The following INTU variants were observed in gnomAD, a reference collection of about 807,000 sequenced individuals.
INTU encodes the protein inturned planar cell polarity protein, also known as protein inturned.
A neutral mutation model predicts 100.5 loss-of-function variants in INTU; 68 were observed. That is an observed-to-expected ratio of 0.68 (90% CI 0.56 to 0.83). INTU has a LOEUF of 0.83. INTU is among the 40% of genes least tolerant of loss of function. The pLI is 0.00. For synonymous variants in INTU, 357 were observed against 395.7 expected (o/e 0.90, Z 1.16); for missense variants, 1,071 against 1,114.7 (o/e 0.96, Z 0.56).
chr4:127,710,983 A>C lies in INTU; in HGVS notation c.2440A>C (p.Thr814Pro), dbSNP rs1731072462. ...ALETVQGIFI[T>P]PTLEEVAQLS... ...AGAAACAGTGCAAGGAATCTTTATTACTCCTACCCTTGAAGAGGTGGCACA... is the reference window on the plus strand; with the variant it reads ...AGAAACAGTGCAAGGAATCTTTATTCCTCCTACCCTTGAAGAGGTGGCACA... Residue 814 changes from threonine to proline, a missense_variant, in exon 14 of 16, where the codon ACT becomes CCT. By Grantham distance (38) the Thr-to-Pro change is conservative (BLOSUM62 -1). Transcript: ENST00000335251. 1.3e-6 allele frequency: 2 copies of C among 1,599,222 alleles called. No homozygotes were observed. The highest frequency in any genetic ancestry group is 2.7e-5 in the African/African-American group (2 of 74,728).
intron 14 of INTU, among the ~76,000 whole-genome samples, chr4:127,712,651 G>C (rs959432827): frequency 3.3e-5 from 5 of 152,176 alleles, no homozygotes; most frequent in Admixed American, 6.5e-5. Context: ...GTAAGGATTA[G>C]AGGTGGGAGT....
chr4:127,637,021 C>A (rs925884181), intron 1 of INTU, among the ~76,000 whole-genome samples: 2 of 152,216 alleles, frequency 1.3e-5, no homozygotes, highest in East Asian at 3.9e-4. Context: ...CATTTCTCCT[C>A]TAAGGCTACC....
At position 127,656,622 on chromosome 4, in the gene INTU, T is replaced by C; in HGVS notation, c.683-14T>C. The C allele has an allele frequency of 6.3e-7, 1 of 1,584,100 alleles. No homozygotes were observed. Among genetic ancestry groups the C allele is most frequent in the South Asian group, 1.1e-5 (1 of 90,076 alleles). ...TATTCATAAAACTATCTTTTATTGT[T>C]ATTCTGGTTTCAGGTGATGTCCTTG... On this transcript the variant is annotated splice_polypyrimidine_tract_variant and intron_variant, in intron 2 of 15. Transcript: ENST00000335251.
chr4:127,713,144 C>T (rs188719102), intron 14 of INTU, among the ~76,000 whole-genome samples: 3 of 152,252 alleles, frequency 2.0e-5, no homozygotes, highest in Admixed American at 6.5e-5. Flanking sequence ...GGACATGATC[C>T]GTAATTTTTT....
At chr4:127,655,209 T>G (rs896565068) in intron 2 of INTU, among the ~76,000 whole-genome samples, 2 of 151,992 alleles carry the variant, frequency 1.3e-5, no homozygotes, top group African/African-American at 2.4e-5. Flanking sequence ...GTCTGAAGCC[T>G]TCTTCTCTCA....
In INTU at chr4:127,643,754, G is replaced by T. The variant is rs139145791; in HGVS notation, c.380G>T (p.Arg127Leu). 6.2e-7 allele frequency: 1 copy of T among 1,612,918 alleles called. No individual in the cohort carries two copies. Among genetic ancestry groups the T allele is most frequent in the Non-Finnish European group, 8.5e-7 (1 of 1,179,776 alleles). Residue 127 changes from arginine to leucine, a missense_variant, in exon 2 of 16, where the codon CGC becomes CTC. Coordinates refer to ENST00000335251, the MANE Select transcript of INTU (RefSeq NM_015693.4). ...ILRRKRLLPKRCNKKNSNDNG... is the reference protein window; with the variant it reads ...ILRRKRLLPKLCNKKNSNDNG... Reference sequence around the variant, plus strand: ...AGAAGGAAAAGACTTTTACCCAAGCGCTGCAATAAAAAAAATAGCAATGAC... The same window carrying T: ...AGAAGGAAAAGACTTTTACCCAAGCTCTGCAATAAAAAAAATAGCAATGAC...
At chr4:127,645,540 T>C in intron 2 of INTU, among the ~76,000 whole-genome samples, 1 of 151,888 alleles carries the variant, frequency 6.6e-6, no homozygotes, top group East Asian at 1.9e-4. Flanking sequence ...GTTGTTATTT[T>C]TTTATTTTTT....
chr4:127,704,406 A>G (rs2148729972), intron 10 of INTU, 116 bp downstream of exon 10: 1 of 798,210 alleles, frequency 1.3e-6, no homozygotes, highest in East Asian at 2.6e-5. Context: ...TGTAGGTACC[A>G]TAAGATTAAG....
At chr4:127,709,887 A>G (rs906129213) in intron 13 of INTU, among the ~76,000 whole-genome samples, 1 of 152,228 alleles carries the variant, frequency 6.6e-6, no homozygotes, top group African/African-American at 2.4e-5. Flanking sequence ...AATACATTAG[A>G]AATCTGATGT....
chr4:127,715,581 T>C (rs1467182301), intron 15 of INTU, among the ~76,000 whole-genome samples: 1 of 152,188 alleles, frequency 6.6e-6, no homozygotes, highest in African/African-American at 2.4e-5. Context: ...CTTAATTCCA[T>C]GTAGTGTAAT....
At chr4:127,714,739 C>A (rs899704124) in intron 15 of INTU, among the ~76,000 whole-genome samples, 4 of 152,054 alleles carry the variant, frequency 2.6e-5, no homozygotes, top group African/African-American at 9.7e-5. Flanking sequence ...CTCCACCCCC[C>A]ACCCTCATTA....
At chr4:127,710,216 G>A (rs573672187) in intron 13 of INTU, among the ~76,000 whole-genome samples, 4 of 152,132 alleles carry the variant, frequency 2.6e-5, no homozygotes, top group South Asian at 4.2e-4. Flanking sequence ...CCAAAGATGT[G>A]TGTTTATTCT....
chr4:127,715,524 T>G (rs1731236919), intron 15 of INTU, among the ~76,000 whole-genome samples: 1 of 152,144 alleles, frequency 6.6e-6, no homozygotes, highest in Non-Finnish European at 1.5e-5. Flanking sequence ...TTTAGTAAGC[T>G]CCTTTGTGAT....
chr4:127,671,571 A>G (rs1728928057), intron 5 of INTU, among the ~76,000 whole-genome samples: 1 of 152,056 alleles, frequency 6.6e-6, no homozygotes, highest in Non-Finnish European at 1.5e-5. Context: ...TCAAAAAACT[A>G]AAAATAGAAC....
intron 9 of INTU, among the ~76,000 whole-genome samples, chr4:127,702,870 T>C (rs1023372333): frequency 3.9e-5 from 6 of 152,070 alleles, no homozygotes; most frequent in African/African-American, 1.4e-4. Flanking sequence ...CAGGATGTAA[T>C]ATAAAGTGAA....
At chr4:127,684,632 T>TTCCTCC in intron 7 of INTU, 146 bp downstream of exon 7, 1 of 528,978 alleles carries the variant, frequency 1.9e-6, no homozygotes, top group Non-Finnish European at 3.3e-6. Context: ...TTCCTTCCTC[T>TTCCTCC]TCCTCCTCCT....
At position 127,720,734 on chromosome 4, in the gene INTU, C is replaced by T. The variant is rs1328983730; in HGVS notation, c.*4298C>T. The T allele has an allele frequency of 6.6e-6, 1 of 151,818 alleles. No individual in the cohort carries two copies. Among genetic ancestry groups the T allele is most frequent in the East Asian group, 1.9e-4 (1 of 5,170 alleles). The allele number at this position is 151,818 out of a possible 1,614,324, so 9.4% of individuals were successfully genotyped here. On this transcript the variant is annotated 3_prime_UTR_variant, in exon 16 of 16. Coordinates refer to ENST00000335251, the MANE Select transcript of INTU (RefSeq NM_015693.4). ...TTGACCCCTTTACCAGTATGTAATG[C>T]CTTTGTCTTTTTTTTAATCTTTATT...
At chr4:127,709,128 A>C (rs1285727460) in intron 13 of INTU, among the ~76,000 whole-genome samples, 1 of 152,190 alleles carries the variant, frequency 6.6e-6, no homozygotes, top group Non-Finnish European at 1.5e-5. Flanking sequence ...TTGTTGACTC[A>C]GCTAAGGTTA....
At chr4:127,711,179 T>G in intron 14 of INTU, 77 bp downstream of exon 14, 1 of 1,091,688 alleles carries the variant, frequency 9.2e-7, no homozygotes, top group Non-Finnish European at 1.3e-6. Flanking sequence ...CTAATCAATA[T>G]GCCCAGCATT....
Sources: gnomAD v4.1 joint callset for allele counts (sites outside exome capture counted in the v4.1 genomes callset) on GRCh38, gnomAD v4.1.1 for gene constraint, MANE v1.5 for transcripts, NCBI Gene and HGNC (gene_info 2026-07-23, HGNC 2026-07-21) for gene names.